The following HEATR5A variants were observed in gnomAD, a reference collection of about 807,000 sequenced individuals.
HEATR5A encodes HEAT repeat-containing protein 5A.
Under a neutral mutation model 218.8 loss-of-function variants are expected in HEATR5A, and 178 were observed. The ratio of observed to expected loss-of-function variants is 0.81; its 90% CI spans 0.72 to 0.92. The LOEUF is 0.92. Ranked by LOEUF, HEATR5A falls within the 40% of genes least tolerant of loss-of-function variation. The pLI, the probability that HEATR5A is intolerant of heterozygous loss-of-function variation, is 0.00. For synonymous variants in HEATR5A, 864 were observed against 871.6 expected (o/e 0.99, Z 0.15); for missense variants, 2,420 against 2,418.9 (o/e 1.00, Z -0.01).
chr14:31,364,743 C>A (rs913538618), intron 13 of HEATR5A, among the ~76,000 whole-genome samples: 13 of 151,466 alleles, frequency 8.6e-5, no homozygotes, highest in Admixed American at 7.9e-4. Context: ...GATCTTTCTT[C>A]ACACTCTCTC....
At chr14:31,302,702 A>T (rs962686030) in intron 32 of HEATR5A, 183 bp from the exon 33 acceptor site, 2 of 559,134 alleles carry the variant, frequency 3.6e-6, no homozygotes, top group Non-Finnish European at 6.3e-6. Context: ...GATGGATTAA[A>T]TCTTGATGGT....
intron 24 of HEATR5A, 44 bp downstream of exon 24, chr14:31,323,520 AT>A: frequency 6.8e-7 from 1 of 1,473,784 alleles, no homozygotes; most frequent in Non-Finnish European, 9.2e-7. Flanking sequence ...AGCAGACAGC[AT>A]TTTTACACAT....
intron 13 of HEATR5A, among the ~76,000 whole-genome samples, chr14:31,371,128 C>T (rs746151837): frequency 2.6e-5 from 4 of 152,100 alleles, no homozygotes; most frequent in Non-Finnish European, 4.4e-5. Flanking sequence ...ACCTATTATC[C>T]GTGACTGCTT....
Position 31,394,171 on chromosome 14 carries a change from CT to C in HEATR5A, c.652del (p.Ser218ValfsTer25). The C allele has an allele frequency of 5.2e-6, 8 of 1,533,938 alleles. No individual in the cohort carries two copies. Among genetic ancestry groups the C allele is most frequent in the Non-Finnish European group, 7.0e-6 (8 of 1,145,684 alleles). ...GGACTTAAAACACAGTGTGGCCACA[CT>C]GTCCAGGTCCGTACTCCACATAAAG... The part of the protein sequence containing the change: ...AIFMWSTDLD[S>X]VATLCFKSFE... On this transcript the variant is annotated frameshift_variant, in exon 6 of 36. Coordinates refer to ENST00000543095, the MANE Select transcript of HEATR5A (RefSeq NM_015473.4). LOFTEE classifies it high-confidence loss of function.
intron 9 of HEATR5A, among the ~76,000 whole-genome samples, chr14:31,385,707 G>A (rs766793175): frequency 6.6e-6 from 1 of 151,900 alleles, no homozygotes; most frequent in Non-Finnish European, 1.5e-5. Flanking sequence ...CCTTATAAGC[G>A]TAAACTTCAT....
intron 1 of HEATR5A, among the ~76,000 whole-genome samples, chr14:31,415,380 T>C (rs1319959799): frequency 6.6e-6 from 1 of 152,212 alleles, no homozygotes; most frequent in Non-Finnish European, 1.5e-5. Context: ...AAACATACCA[T>C]CTATTCCATC....
At chr14:31,414,383 T>C (rs2031379396) in intron 1 of HEATR5A, among the ~76,000 whole-genome samples, 1 of 152,172 alleles carries the variant, frequency 6.6e-6, no homozygotes, top group Non-Finnish European at 1.5e-5. Context: ...AGTTTAGACA[T>C]GACTAATAAT....
At chr14:31,347,133 G>C (rs952501638) in intron 19 of HEATR5A, among the ~76,000 whole-genome samples, 1 of 152,196 alleles carries the variant, frequency 6.6e-6, no homozygotes, top group Non-Finnish European at 1.5e-5. Context: ...GAATTACTAT[G>C]AGACTTAGAA....
rs78921589 is a variant in HEATR5A, at chr14:31,351,795, A to T, written c.2412-1078T>A. ...ACCCTGCTAATTTTTTTTTTTTTTT[A>T]AAAGAGATGATATCTCACTATGTTG... On this transcript the variant is annotated intron_variant, in intron 16 of 35. Coordinates refer to ENST00000543095, the MANE Select transcript of HEATR5A (RefSeq NM_015473.4). Among the ~76,000 whole-genome samples, 625 of 148,710 alleles carry T rather than the reference A, an allele frequency of 4.2e-3. 6 individuals are homozygous for T. Among genetic ancestry groups the T allele is most frequent in the African/African-American group, 0.014 (572 of 40,764 alleles).
In HEATR5A at chr14:31,323,710, T is replaced by C; in HGVS notation, c.3642A>G (p.Lys1214=). 2 of 1,613,738 alleles carry C rather than the reference T, an allele frequency of 1.2e-6. No individual in the cohort carries two copies. The highest frequency in any genetic ancestry group is 1.1e-5 in the South Asian group (1 of 91,072). ...ATCGGGGATTGGTAAAAGGATGGGA[T>C]TTTTCATCACGTCTGGTGGTCAGGA... ...ASVLTTRRDE[K]SHPFTNPRWA... Residue 1214 remains lysine, a synonymous_variant, in exon 24 of 36, where the codon AAA becomes AAG. Coordinates refer to ENST00000543095, the MANE Select transcript of HEATR5A (RefSeq NM_015473.4).
intron 33 of HEATR5A, among the ~76,000 whole-genome samples, chr14:31,300,295 C>CT (rs367648392): frequency 0.011 from 1,649 of 147,260 alleles, 21 homozygotes; most frequent in African/African-American, 0.034. Flanking sequence ...TTCTTTTTTT[C>CT]TTTTTTTTTT....
At position 31,332,203 on chromosome 14, in the gene HEATR5A, AGTGATCTTTGATTG is replaced by A. The variant is rs1452911191; in HGVS notation, c.3367+5259_3367+5272del. 1.1e-4 allele frequency among the ~76,000 whole-genome samples: 16 copies of A among 152,364 alleles called. 1 individual carries two copies. The South Asian group carries it at 2.3e-3, about 22-fold the overall frequency. On this transcript the variant is annotated intron_variant, in intron 22 of 35. Coordinates refer to ENST00000543095, the MANE Select transcript of HEATR5A (RefSeq NM_015473.4). ...ATATCTGTTATGATGATCTGTGATC[AGTGATCTTTGATTG>A]GTGATCTTTGATGTTACTATTTTAA...
chr14:31,293,668 C>T, intron 35 of HEATR5A, 56 bp from the exon 36 acceptor site: 4 of 1,456,960 alleles, frequency 2.7e-6, no homozygotes, highest in Non-Finnish European at 3.7e-6. Flanking sequence ...TAACAAAAGC[C>T]TGCAAATGCA....
rs1428720950 is a variant in HEATR5A, at chr14:31,316,008, G to C, written c.4039-59C>G. On this transcript the variant is annotated intron_variant, in intron 26 of 35. Coordinates refer to ENST00000543095, the MANE Select transcript of HEATR5A (RefSeq NM_015473.4). ...AATTATAAGTATCTCCCTTGGCTGG[G>C]TGTGGTGGCTCATGCCTGTAATCCC... 7.5e-6 allele frequency: 10 copies of C among 1,340,150 alleles called. No homozygotes were observed. The South Asian group carries it at 1.6e-4, about 21-fold the overall frequency. 83.0% of individuals were successfully genotyped at this position (1,340,150 alleles called of 1,614,324 possible).
At chr14:31,355,086 T>C (rs1901373730) in intron 16 of HEATR5A, among the ~76,000 whole-genome samples, 1 of 152,156 alleles carries the variant, frequency 6.6e-6, no homozygotes, top group Admixed American at 6.5e-5. Flanking sequence ...ATCAACTCAT[T>C]CTTTGCAATT....
chr14:31,315,988 T>TA, intron 26 of HEATR5A, 39 bp from the exon 27 acceptor site: 1 of 1,461,012 alleles, frequency 6.8e-7, no homozygotes, highest in Non-Finnish European at 9.2e-7. Context: ...TTTAAAATTA[T>TA]AAGTATCTCC....
At position 31,309,139 on chromosome 14, in the gene HEATR5A, C is replaced by A; in HGVS notation, c.4485G>T (p.Leu1495Phe). 1 of 1,613,938 alleles carries A rather than the reference C, an allele frequency of 6.2e-7. No homozygotes were observed. ...TAAGTGCCCAGGAGTTGTAATAATG[C>A]AATTTTGCATTTTCACTAGTCTCTG... is the stretch of plus-strand genomic sequence containing the variant. ...YTAETSENAK[L>F]HYYNSWALIL... The change falls in exon 29 of 36, where the codon TTG becomes TTT. Residue 1495 changes from leucine (L) to phenylalanine (F), a missense_variant. Physicochemically the swap from Leu to Phe is conservative, Grantham distance 22 (BLOSUM62 0). Coordinates refer to ENST00000543095, the MANE Select transcript of HEATR5A (RefSeq NM_015473.4).
rs58087742 is a variant in HEATR5A, at chr14:31,334,037, CAA to C, written c.3367+3437_3367+3438del. 4.5e-5 allele frequency among the ~76,000 whole-genome samples: 4 copies of C among 87,916 alleles called. No homozygotes were observed. The Admixed American group carries it at 4.8e-4, about 11-fold the overall frequency. The allele number at this position is 87,916 out of a possible 152,430, so 57.7% of individuals were successfully genotyped here. On this transcript the variant is annotated intron_variant, in intron 22 of 35. Coordinates refer to ENST00000543095, the MANE Select transcript of HEATR5A (RefSeq NM_015473.4). Reference sequence around the variant, plus strand: ...AGGGCGACAGAGACAGACCCTGTCTCAAAAAAAAAAAAAAAAAAAAAGAACTA... The same window carrying C: ...AGGGCGACAGAGACAGACCCTGTCTCAAAAAAAAAAAAAAAAAAAGAACTA...
chr14:31,351,952 C>G (rs910793163), intron 16 of HEATR5A, among the ~76,000 whole-genome samples: 3 of 152,028 alleles, frequency 2.0e-5, no homozygotes, highest in African/African-American at 7.2e-5. Context: ...ATCCAAATTT[C>G]ATTATATACA....
Sources: allele counts gnomAD v4.1 joint callset (sites outside exome capture counted in the v4.1 genomes callset), GRCh38; gene constraint gnomAD v4.1.1; transcripts MANE v1.5; gene names NCBI Gene and HGNC (gene_info 2026-07-23, HGNC 2026-07-21).